ZFHX4: variants seen among roughly 807,000 people sequenced by gnomAD.
ZFHX4 encodes the protein zinc finger homeobox 4.
ZFHX4 carries 56 observed loss-of-function variants against 267.6 expected under a neutral mutation model. The observed-to-expected ratio is 0.21, with a 90% CI of 0.17 to 0.26. The LOEUF is 0.26. Among genes scored for constraint, ZFHX4 ranks in the 10% least tolerant of loss-of-function variants. The pLI is 1.00. For synonymous variants in ZFHX4, 1,778 were observed against 1,665.6 expected (o/e 1.07, Z -1.64); for missense variants, 4,332 against 4,420.0 (o/e 0.98, Z 0.56).
At chr8:76,773,104 C>T (rs1810311139) in intron 3 of ZFHX4, among the ~76,000 whole-genome samples, 1 of 152,162 alleles carries the variant, frequency 6.6e-6, no homozygotes, top group Non-Finnish European at 1.5e-5. Flanking sequence ...CAATACTTGC[C>T]ATAGTGTGCA....
intron 4 of ZFHX4, among the ~76,000 whole-genome samples, chr8:76,799,970 G>A (rs1040333639): frequency 2.0e-5 from 3 of 152,158 alleles, no homozygotes; most frequent in Non-Finnish European, 4.4e-5. Context: ...TTCTGTAAAG[G>A]TGGGGCTTAT....
At chr8:76,839,799 A>G (rs6986186) in intron 5 of ZFHX4, among the ~76,000 whole-genome samples, 23,089 of 152,076 alleles carry the variant, frequency 0.15, 2,216 homozygotes, top group East Asian at 0.34. Context: ...ATTTCATAGT[A>G]TTTTACAACT....
At position 76,855,562 on chromosome 8, in the gene ZFHX4, G is replaced by A. The variant is rs777674733; in HGVS notation, c.8641G>A (p.Asp2881Asn). The stretch of plus-strand genomic sequence containing the variant: ...CATCCATTTCAATGACAAAGATGGC[G>A]ACCACGACCAAAGCTTTTACATCAC... ...PSIHFNDKDG[D>N]HDQSFYITDD... is the part of the protein sequence containing the mutation. The change falls in exon 10 of 11, where the codon GAC becomes AAC. Residue 2881 changes from aspartate (D) to asparagine (N), a missense_variant. By Grantham distance (23) the Asp-to-Asn change is conservative. Transcript: ENST00000651372. The A allele has an allele frequency of 1.2e-6, 2 of 1,613,794 alleles. No individual in the cohort carries two copies. Among genetic ancestry groups the A allele is most frequent in the Non-Finnish European group, 1.7e-6 (2 of 1,179,854 alleles).
intron 4 of ZFHX4, among the ~76,000 whole-genome samples, chr8:76,787,576 G>C (rs530717108): frequency 1.1e-4 from 16 of 151,260 alleles, no homozygotes; most frequent in African/African-American, 3.7e-4. Context: ...GCCGAGGTGG[G>C]CGGATCACGA....
At chr8:76,793,860 G>T (rs771478622) in intron 4 of ZFHX4, among the ~76,000 whole-genome samples, 13 of 151,974 alleles carry the variant, frequency 8.6e-5, no homozygotes, top group Non-Finnish European at 1.8e-4. Context: ...TAATTAAGTA[G>T]ACAAATATAG....
chr8:76,784,376 T>G (rs556082352), intron 4 of ZFHX4, among the ~76,000 whole-genome samples: 1 of 152,176 alleles, frequency 6.6e-6, no homozygotes, highest in African/African-American at 2.4e-5. Context: ...AATATTAATG[T>G]AGATGTCAGA....
In ZFHX4 at chr8:76,851,034, C is replaced by G; in HGVS notation, c.4113C>G (p.Pro1371=). The G allele has an allele frequency of 6.2e-7, 1 of 1,613,858 alleles. No homozygotes were observed. Among genetic ancestry groups the G allele is most frequent in the Admixed American group, 1.7e-5 (1 of 59,986 alleles). Residue 1371 remains proline, a synonymous_variant, in exon 10 of 11, where the codon CCC becomes CCG. Transcript: ENST00000651372. ...NKNSSKDVKI[P]DTLQDQLNEQ... Reference sequence around the variant, plus strand: ...ATAGCAGTAAGGATGTGAAAATCCCCGACACACTGCAAGATCAATTAAATG... The same window carrying G: ...ATAGCAGTAAGGATGTGAAAATCCCGGACACACTGCAAGATCAATTAAATG...
chr8:76,704,755 G>A lies in ZFHX4; in HGVS notation c.667G>A (p.Val223Met). Reference sequence around the variant, plus strand: ...CTCAGCATTAGCAGGAGTTGGTCCTGTGTTGCACAGTTTCCGTGTCTATGA... The same window carrying A: ...CTCAGCATTAGCAGGAGTTGGTCCTATGTTGCACAGTTTCCGTGTCTATGA... ...NTSALAGVGPVLHSFRVYDLR... is the reference protein window; with the variant it reads ...NTSALAGVGPMLHSFRVYDLR... Residue 223 changes from valine to methionine, a missense_variant, in exon 2 of 11, where the codon GTG becomes ATG. Val to Met is a conservative substitution (Grantham distance 21, BLOSUM62 1). Around this residue, in one of 7 missense-constraint regions of ZFHX4, gnomAD observed 1,195 missense variants for 1,173.6 expected, o/e 1.02. Coordinates refer to ENST00000651372, the MANE Select transcript of ZFHX4 (RefSeq NM_024721.5). 1.2e-6 allele frequency: 2 copies of A among 1,613,996 alleles called. No individual in the cohort carries two copies. Among genetic ancestry groups the A allele is most frequent in the Non-Finnish European group, 1.7e-6 (2 of 1,179,906 alleles).
chr8:76,692,582 C>T (rs1807852372), intron 1 of ZFHX4, among the ~76,000 whole-genome samples: 1 of 151,980 alleles, frequency 6.6e-6, no homozygotes, highest in Non-Finnish European at 1.5e-5. Flanking sequence ...CTTTATTGTT[C>T]TATAATAATG....
chr8:76,866,843 G>A lies in ZFHX4; in HGVS notation c.*2278G>A, dbSNP rs1443047842. ...CTTTAACTGGATGGACGTTGTTAGG[G>A]TGAGAAATAAAAGGACAGCCTCCAA... On this transcript the variant is annotated 3_prime_UTR_variant, in exon 11 of 11. Coordinates refer to ENST00000651372, the MANE Select transcript of ZFHX4 (RefSeq NM_024721.5). 1 of 152,562 alleles carries A rather than the reference G, an allele frequency of 6.6e-6. No individual in the cohort carries two copies. Among genetic ancestry groups the A allele is most frequent in the Non-Finnish European group, 1.5e-5 (1 of 68,022 alleles). The allele number at this position is 152,562 out of a possible 1,614,324, so 9.5% of individuals were successfully genotyped here.
rs1404447267 is a variant in ZFHX4 at position 76,715,439 on chromosome 8, G to A, written c.3093+7391G>A. ...GGAGGTTGCAGTGAGCCGAGATTGCGCCACTGCACTCCAGCCTGGGCAACA... is the reference window on the plus strand; with the variant it reads ...GGAGGTTGCAGTGAGCCGAGATTGCACCACTGCACTCCAGCCTGGGCAACA... On this transcript the variant is annotated intron_variant, in intron 3 of 10. Transcript: ENST00000651372. 5.1e-5 allele frequency among the ~76,000 whole-genome samples: 7 copies of A among 137,298 alleles called. No homozygotes were observed. The South Asian group carries it at 6.9e-4, about 14-fold the overall frequency. The allele number at this position is 137,298 out of a possible 152,430, so 90.1% of individuals were successfully genotyped here. A position where few individuals can be genotyped will look rare whatever the true frequency, so the allele number is the denominator to read the frequency against.
At chr8:76,731,277 G>A (rs1046250812) in intron 3 of ZFHX4, among the ~76,000 whole-genome samples, 3 of 152,124 alleles carry the variant, frequency 2.0e-5, no homozygotes, top group African/African-American at 4.8e-5. Context: ...GTTACAAAGT[G>A]GTAAGCCCTT....
chr8:76,837,237 A>G (rs1812115444), intron 5 of ZFHX4, among the ~76,000 whole-genome samples: 1 of 152,146 alleles, frequency 6.6e-6, no homozygotes, highest in Non-Finnish European at 1.5e-5. Flanking sequence ...GGAGAATAAG[A>G]GGAAATTCTC....
Position 76,704,438 on chromosome 8 carries a change from G to A in ZFHX4, c.350G>A (p.Ser117Asn), listed in dbSNP as rs774347931. The change falls in exon 2 of 11, where the codon AGC (serine) becomes AAC (asparagine). Residue 117 changes from serine (S) to asparagine (N), a missense_variant. By Grantham distance (46) the Ser-to-Asn change is conservative (BLOSUM62 1). This residue lies in a region of ZFHX4 where 1,195 missense variants were observed against 1,173.6 expected (regional missense o/e 1.02). Coordinates refer to ENST00000651372, the MANE Select transcript of ZFHX4 (RefSeq NM_024721.5). ...AAGGATGACAACGAGAGCGAGATCA[G>A]CGAGTTAGAGGACAGTGACGTGGAA... ...VLKDDNESEI[S>N]ELEDSDVENL... 4.3e-6 allele frequency: 7 copies of A among 1,613,908 alleles called. No homozygotes were observed. In the Admixed American group the frequency reaches 6.7e-5, roughly 15 times the overall value.
In ZFHX4 at chr8:76,855,153, T is replaced by A. The variant is rs1812678450; in HGVS notation, c.8232T>A (p.Ser2744Arg). Residue 2744 changes from serine (S) to arginine (R), a missense_variant, in exon 10 of 11, where the codon AGT (serine) becomes AGA (arginine). By Grantham distance (110) the Ser-to-Arg change is moderately radical (BLOSUM62 -1). This residue lies in a region of ZFHX4 where 1,648 missense variants were observed against 1,625.0 expected (regional missense o/e 1.01). Transcript: ENST00000651372. ...CATTAACTAAAATTGATCTATCAAG[T>A]GAGAATGAATTGGCTTCTACAGTGT... ...SLPLTKIDLS[S>R]ENELASTVST... The A allele has an allele frequency of 6.2e-7, 1 of 1,613,576 alleles. No homozygotes were observed. The highest frequency in any genetic ancestry group is 8.5e-7 in the Non-Finnish European group (1 of 1,179,780).
At chr8:76,767,554 A>G (rs368047052) in intron 3 of ZFHX4, among the ~76,000 whole-genome samples, 175 of 152,292 alleles carry the variant, frequency 1.1e-3, no homozygotes, top group African/African-American at 4.1e-3. Context: ...AAGGGAACCA[A>G]AAGTTATTAG....
In ZFHX4 at chr8:76,854,956, T is replaced by G; in HGVS notation, c.8035T>G (p.Phe2679Val). ...AGCACAGTCTCATAAACGGTGTCCGTTTTGCCGAGCCCTGTTTAAAGCAAA... is the reference window on the plus strand; with the variant it reads ...AGCACAGTCTCATAAACGGTGTCCGGTTTGCCGAGCCCTGTTTAAAGCAAA... ...GPAQSHKRCPFCRALFKAKSA... is the reference protein window; with the variant it reads ...GPAQSHKRCPVCRALFKAKSA... Residue 2679 changes from phenylalanine to valine, a missense_variant, in exon 10 of 11, where the codon TTT (phenylalanine) becomes GTT (valine). Transcript: ENST00000651372. 1 of 1,613,940 alleles carries G rather than the reference T, an allele frequency of 6.2e-7. No homozygotes were observed. Among genetic ancestry groups the G allele is most frequent in the East Asian group, 2.2e-5 (1 of 44,848 alleles).
chr8:76,863,562 AG>A lies in ZFHX4; in HGVS notation c.9854del (p.Gly3285AspfsTer68). ...YFTPQLPGTVQGGYFPPVCGM... is the reference protein window; with the variant it reads ...YFTPQLPGTVXGGYFPPVCGM... ...ACACCTCAGCTCCCTGGAACAGTGC[AG>A]GGGGGATACTTCCCACCTGTCTGTG... is the stretch of plus-strand genomic sequence containing the variant. On this transcript the variant is annotated frameshift_variant, in exon 11 of 11. Transcript: ENST00000651372. LOFTEE classifies it high-confidence loss of function. 1 of 1,613,828 alleles carries A rather than the reference AG, an allele frequency of 6.2e-7. No individual in the cohort carries two copies. Among genetic ancestry groups the A allele is most frequent in the Non-Finnish European group, 8.5e-7 (1 of 1,179,822 alleles).
At chr8:76,838,404 C>A (rs1025911408) in intron 5 of ZFHX4, among the ~76,000 whole-genome samples, 1 of 152,188 alleles carries the variant, frequency 6.6e-6, no homozygotes, top group Non-Finnish European at 1.5e-5. Context: ...GAGTGACAGA[C>A]AAGGACCAGG....
Sources: allele counts gnomAD v4.1 joint callset (sites outside exome capture counted in the v4.1 genomes callset), GRCh38; gene constraint gnomAD v4.1.1; regional missense constraint gnomAD v4.1.1; transcripts MANE v1.5; gene names NCBI Gene and HGNC (gene_info 2026-07-23, HGNC 2026-07-21).